The following TTF2 variants were observed in gnomAD, a reference collection of about 807,000 sequenced individuals.
The protein encoded by TTF2 is RNA polymerase II termination factor.
A neutral mutation model predicts 142.4 loss-of-function variants in TTF2; 108 were observed. The ratio of observed to expected loss-of-function variants is 0.76; its 90% CI spans 0.65 to 0.89. TTF2 has a LOEUF of 0.89. Among genes scored for constraint, TTF2 ranks in the 40% least tolerant of loss-of-function variants. The probability of loss-of-function intolerance (pLI) is 0.00; values close to 1 mark genes in which losing one functional copy is unlikely to be tolerated. For missense variants in TTF2, 1,327 were observed against 1,379.8 expected (o/e 0.96, Z 0.61); for synonymous variants, 483 against 506.2 (o/e 0.95, Z 0.61).
rs1377337639 is a variant in TTF2, at chr1:117,081,902, G to A, written c.1858G>A (p.Glu620Lys). Residue 620 changes from glutamate to lysine, a missense_variant, in exon 10 of 23, where the codon GAA (glutamate) becomes AAA (lysine). By Grantham distance (56) the Glu-to-Lys change is moderately conservative. Coordinates refer to ENST00000369466, the MANE Select transcript of TTF2 (RefSeq NM_003594.4). ...GACCCAGAAGAATCAAGAGAAAAAG[G>A]AAGAAAAGGAGAAAAGCACAGCTTT... ...ILTQKNQEKKEEKEKSTALTW... is the reference protein window; with the variant it reads ...ILTQKNQEKKKEKEKSTALTW... 6.2e-7 allele frequency: 1 copy of A among 1,614,180 alleles called. No individual in the cohort carries two copies. The highest frequency in any genetic ancestry group is 1.7e-5 in the Admixed American group (1 of 60,022).
At chr1:117,072,472 T>C (rs1044045492) in intron 3 of TTF2, among the ~76,000 whole-genome samples, 1 of 141,956 alleles carries the variant, frequency 7.0e-6, no homozygotes, top group Non-Finnish European at 1.5e-5. Context: ...GTCGCCAGGC[T>C]GGAGTGCAGT....
At position 117,076,700 on chromosome 1, in the gene TTF2, A is replaced by G. The variant is rs572865023; in HGVS notation, c.1450A>G (p.Thr484Ala). The change falls in exon 7 of 23, where the codon ACT becomes GCT. Residue 484 changes from threonine (T) to alanine (A), a missense_variant. Transcript: ENST00000369466. This position sits in a 1 kb window ranked among gnomAD's most constrained non-coding sequence, Gnocchi z 4.6. ...PQQSHFTKTT[T>A]GPPHLVPPQP... ...GCAGAGTCACTTCACCAAAACTACC[A>G]CTGGCCCTCCCCACCTGGTGCCTCC... 4 of 1,614,078 alleles carry G rather than the reference A, an allele frequency of 2.5e-6. No individual in the cohort carries two copies. The East Asian group carries it at 6.7e-5, about 27-fold the overall frequency.
intron 18 of TTF2, among the ~76,000 whole-genome samples, chr1:117,094,150 G>T (rs895932569): frequency 2.0e-5 from 3 of 152,192 alleles, no homozygotes; most frequent in Non-Finnish European, 4.4e-5. Context: ...TGTTTGTTAA[G>T]ATTGGAAAGC....
At chr1:117,096,393 T>C (rs1283991894) in intron 20 of TTF2, 94 bp downstream of exon 20, 111 of 1,486,880 alleles carry the variant, frequency 7.5e-5, no homozygotes, top group Non-Finnish European at 9.7e-5. Flanking sequence ...TTTTGTCTTT[T>C]TGAGACGGAG....
intron 3 of TTF2, among the ~76,000 whole-genome samples, chr1:117,064,280 C>A (rs1655911503): frequency 6.6e-6 from 1 of 151,734 alleles, no homozygotes; most frequent in South Asian, 2.1e-4. Flanking sequence ...GAGTTTGAGA[C>A]CAGCCTGGCC....
At position 117,079,145 on chromosome 1, in the gene TTF2, C is replaced by A. The variant is rs577248214; in HGVS notation, c.1702-423C>A. On this transcript the variant is annotated intron_variant, in intron 8 of 22. Coordinates refer to ENST00000369466, the MANE Select transcript of TTF2 (RefSeq NM_003594.4). This position sits in a 1 kb window ranked among gnomAD's most constrained non-coding sequence, Gnocchi z 4.2. ...ATTCCAGCTAGTCGGGAGGCTAAGG[C>A]AGGAGAATTGCTTGAACCTGGGAGG... is the stretch of plus-strand genomic sequence containing the variant. Among the ~76,000 whole-genome samples the A allele has an allele frequency of 6.6e-6, 1 of 152,184 alleles. No individual in the cohort carries two copies. The highest frequency in any genetic ancestry group is 1.9e-4 in the East Asian group (1 of 5,180).
intron 9 of TTF2, among the ~76,000 whole-genome samples, chr1:117,081,130 G>C (rs937189785): frequency 6.6e-6 from 1 of 152,230 alleles, no homozygotes; most frequent in Non-Finnish European, 1.5e-5. Context: ...TCAAAGGATA[G>C]CAGGCAGGCC....
chr1:117,101,618 T>G lies in TTF2; in HGVS notation c.*94T>G. ...AACCATGAGCCTTGAACTCTGTTCT[T>G]TGCATTTCAATTTCACCGTCAAGCC... On this transcript the variant is annotated 3_prime_UTR_variant, in exon 23 of 23. Transcript: ENST00000369466. This position sits in a 1 kb window ranked among gnomAD's most constrained non-coding sequence, Gnocchi z 5.9. The G allele has an allele frequency of 7.6e-7, 1 of 1,311,540 alleles. No homozygotes were observed. The allele number at this position is 1,311,540 out of a possible 1,614,324, so 81.2% of individuals were successfully genotyped here. A position where few individuals can be genotyped will look rare whatever the true frequency, so the allele number is the denominator to read the frequency against.
chr1:117,076,551 A>T lies in TTF2; in HGVS notation c.1391-90A>T, dbSNP rs1168262559. The T allele has an allele frequency of 7.5e-7, 1 of 1,340,354 alleles. No individual in the cohort carries two copies. The highest frequency in any genetic ancestry group is 2.3e-5 in the East Asian group (1 of 43,024). 83.0% of individuals were successfully genotyped at this position (1,340,354 alleles called of 1,614,324 possible). ...GGAATCCTTCATCGGAATGGTGATGATCCCTCTCTCTTGACCTCACCTCCA... is the reference window on the plus strand; with the variant it reads ...GGAATCCTTCATCGGAATGGTGATGTTCCCTCTCTCTTGACCTCACCTCCA... On this transcript the variant is annotated intron_variant, in intron 6 of 22. Coordinates refer to ENST00000369466, the MANE Select transcript of TTF2 (RefSeq NM_003594.4). This position sits in a 1 kb window ranked among gnomAD's most constrained non-coding sequence, Gnocchi z 4.6.
In TTF2 at chr1:117,086,548, G is replaced by T; in HGVS notation, c.2160+26G>T. 1 of 1,570,432 alleles carries T rather than the reference G, an allele frequency of 6.4e-7. No homozygotes were observed. Among genetic ancestry groups the T allele is most frequent in the South Asian group, 1.1e-5 (1 of 89,620 alleles). ...GTGAGGCTGGGGGGCAGCCAGGGAA[G>T]TGGAGTTGGAGCCACAGATGGTTTA... On this transcript the variant is annotated intron_variant, in intron 12 of 22. Coordinates refer to ENST00000369466, the MANE Select transcript of TTF2 (RefSeq NM_003594.4). This position sits in a 1 kb window ranked among gnomAD's most constrained non-coding sequence, Gnocchi z 4.2.
At position 117,080,810 on chromosome 1, in the gene TTF2, C is replaced by T. The variant is rs1299790801; in HGVS notation, c.1784-1018C>T. On this transcript the variant is annotated intron_variant, in intron 9 of 22. Transcript: ENST00000369466. The surrounding 1 kb of genome is among the most constrained non-coding windows in gnomAD (Gnocchi z 4.3). ...GAATCCAGGGGAAACCAGGTACAAG[C>T]TTCCAGTGTCCTCCCAGTGGAGTCA... 6.6e-6 allele frequency among the ~76,000 whole-genome samples: 1 copy of T among 152,362 alleles called. No individual in the cohort carries two copies. Among genetic ancestry groups the T allele is most frequent in the Non-Finnish European group, 1.5e-5 (1 of 68,042 alleles).
chr1:117,087,199 T>A lies in TTF2; in HGVS notation c.2160+677T>A, dbSNP rs1648093030. Among the ~76,000 whole-genome samples, 1 of 152,228 alleles carries A rather than the reference T, an allele frequency of 6.6e-6. No homozygotes were observed. The highest frequency in any genetic ancestry group is 2.4e-5 in the African/African-American group (1 of 41,464). On this transcript the variant is annotated intron_variant, in intron 12 of 22. Transcript: ENST00000369466. The surrounding 1 kb of genome is among the most constrained non-coding windows in gnomAD (Gnocchi z 4.8). The stretch of plus-strand genomic sequence containing the variant: ...AACATTTCTCCAGCTTATAACCAAC[T>A]CTGACTTATAGATGATGAACTTTTC...
chr1:117,085,085 A>G lies in TTF2; in HGVS notation c.2054+917A>G, dbSNP rs1356458254. On this transcript the variant is annotated intron_variant, in intron 11 of 22. Transcript: ENST00000369466. The surrounding 1 kb of genome is among the most constrained non-coding windows in gnomAD (Gnocchi z 4.7). ...TTGTGCTAAATTTTTATTTAGAAAT[A>G]AATTGAATCTCACTTGATTTGTACT... Among the ~76,000 whole-genome samples, 1 of 152,204 alleles carries G rather than the reference A, an allele frequency of 6.6e-6. No homozygotes were observed. The highest frequency in any genetic ancestry group is 2.1e-4 in the South Asian group (1 of 4,834).
At position 117,100,661 on chromosome 1, in the gene TTF2, C is replaced by G. The variant is rs1649517320; in HGVS notation, c.3345-719C>G. Among the ~76,000 whole-genome samples the G allele has an allele frequency of 6.6e-6, 1 of 152,284 alleles. No individual in the cohort carries two copies. The highest frequency in any genetic ancestry group is 2.1e-4 in the South Asian group (1 of 4,826). ...ACGTGTTCCCATTCCCTGGGGTGCT[C>G]TCCTCACTGCTCTTTCTGGCAAACC... On this transcript the variant is annotated intron_variant, in intron 22 of 22. Coordinates refer to ENST00000369466, the MANE Select transcript of TTF2 (RefSeq NM_003594.4). This position sits in a 1 kb window ranked among gnomAD's most constrained non-coding sequence, Gnocchi z 4.6.
chr1:117,069,093 C>T (rs1449075710), intron 3 of TTF2, among the ~76,000 whole-genome samples: 2 of 152,090 alleles, frequency 1.3e-5, no homozygotes, highest in Admixed American at 1.3e-4. Context: ...TTTCCTAGAA[C>T]ATTTACAATT....
rs190109433 is a variant in TTF2, at chr1:117,065,503, C to A, written c.218+3030C>A. 6.9e-3 allele frequency among the ~76,000 whole-genome samples: 1,053 copies of A among 152,216 alleles called. 11 individuals are homozygous for A. The highest frequency in any genetic ancestry group is 0.023 in the African/African-American group (945 of 41,518). ...GTCCCAGCTACTCAGGAGGCTGAGG[C>A]AGGAGAATGGCGTGAACCCGGAGGC... On this transcript the variant is annotated intron_variant, in intron 3 of 22. Coordinates refer to ENST00000369466, the MANE Select transcript of TTF2 (RefSeq NM_003594.4).
rs187368307 is a variant in TTF2, at chr1:117,067,830, T to C, written c.218+5357T>C. Among the ~76,000 whole-genome samples, 77 of 152,376 alleles carry C rather than the reference T, an allele frequency of 5.1e-4. 1 individual carries two copies. Among genetic ancestry groups the C allele is most frequent in the Admixed American group, 4.7e-3 (72 of 15,310 alleles). ...TTACATCCTCTAATTAATACTATTA[T>C]GTTTGGCTGAATGTAGTCAGGAGAC... On this transcript the variant is annotated intron_variant, in intron 3 of 22. Coordinates refer to ENST00000369466, the MANE Select transcript of TTF2 (RefSeq NM_003594.4).
intron 13 of TTF2, among the ~76,000 whole-genome samples, chr1:117,089,262 A>C (rs202008894): frequency 6.1e-5 from 3 of 48,950 alleles, no homozygotes; most frequent in South Asian, 1.3e-3. Flanking sequence ...AATATATGCT[A>C]TATATATATA....
intron 3 of TTF2, among the ~76,000 whole-genome samples, chr1:117,069,182 T>C (rs988604306): frequency 2.0e-5 from 3 of 152,212 alleles, no homozygotes; most frequent in African/African-American, 7.2e-5. Context: ...TTTATGTTTT[T>C]CCAGAGCTGG....
Sources: allele counts gnomAD v4.1 joint callset (sites outside exome capture counted in the v4.1 genomes callset), GRCh38; gene constraint gnomAD v4.1.1; non-coding constraint Gnocchi (gnomAD v3.1); transcripts MANE v1.5; gene names NCBI Gene and HGNC (gene_info 2026-07-23, HGNC 2026-07-21).